The following TPD52 variants were observed in gnomAD, a reference collection of about 807,000 sequenced individuals.
TPD52 encodes the protein prostate and colon associated protein.
A neutral mutation model predicts 31.3 loss-of-function variants in TPD52; 17 were observed. That is an observed-to-expected ratio of 0.54 (90% CI 0.37 to 0.82). The LOEUF is 0.82. TPD52 is among the 40% of genes least tolerant of loss of function. The pLI is 0.00. For missense variants in TPD52, 212 were observed against 240.1 expected (o/e 0.88, Z 0.77); for synonymous variants, 83 against 89.6 (o/e 0.93, Z 0.42).
rs561870064 is a variant in TPD52 at position 80,072,689 on chromosome 8, G to GTA, written c.20-8098_20-8097dup. Among the ~76,000 whole-genome samples, 2 of 150,036 alleles carry GTA rather than the reference G, an allele frequency of 1.3e-5. 1 individual carries two copies. The highest frequency in any genetic ancestry group is 4.9e-5 in the African/African-American group (2 of 40,614). On this transcript the variant is annotated intron_variant, in intron 1 of 7. Coordinates refer to ENST00000518937, the MANE Select transcript of TPD52 (RefSeq NM_001025253.3). ...TATACATGTACACATAGATATGTGTGTATATACACACATATATACATCTAT... is the reference window on the plus strand; with the variant it reads ...TATACATGTACACATAGATATGTGTGTATATATACACACATATATACATCTAT...
chr8:80,123,290 TA>T (rs1437201779), intron 1 of TPD52, among the ~76,000 whole-genome samples: 1 of 152,088 alleles, frequency 6.6e-6, no homozygotes, highest in African/African-American at 2.4e-5. Context: ...GAGGGGAATG[TA>T]AATGCTGAGA....
At position 80,077,155 on chromosome 8, in the gene TPD52, G is replaced by A. The variant is rs1169750600; in HGVS notation, c.20-12562C>T. On this transcript the variant is annotated intron_variant, in intron 1 of 7. Transcript: ENST00000518937. Reference sequence around the variant, plus strand: ...CACGATGTGGTGACGCGCACCTATAGTCCCAGGTATTTGGGAGGCTGAGGC... The same window carrying A: ...CACGATGTGGTGACGCGCACCTATAATCCCAGGTATTTGGGAGGCTGAGGC... 2.6e-5 allele frequency among the ~76,000 whole-genome samples: 4 copies of A among 151,816 alleles called. No individual in the cohort carries two copies. The South Asian group carries it at 8.3e-4, about 32-fold the overall frequency.
chr8:80,171,403 C>T (rs1471022990), intron 1 of TPD52, 22 bp downstream of exon 1: 2 of 1,596,364 alleles, frequency 1.3e-6, no homozygotes, highest in Admixed American at 1.7e-5. Context: ...CGAGCCCAAG[C>T]CCGCTGGGTC....
At chr8:80,096,183 G>A (rs1816719882) in intron 1 of TPD52, among the ~76,000 whole-genome samples, 2 of 151,628 alleles carry the variant, frequency 1.3e-5, no homozygotes, top group African/African-American at 4.8e-5. Flanking sequence ...TTAAGCCCAG[G>A]TGGTCAAGGC....
At chr8:80,127,201 G>C (rs1339288237) in intron 1 of TPD52, among the ~76,000 whole-genome samples, 1 of 152,004 alleles carries the variant, frequency 6.6e-6, no homozygotes. Context: ...ACAATCAATT[G>C]ACTCATCAGC....
At chr8:80,126,031 T>C (rs1808575667) in intron 1 of TPD52, among the ~76,000 whole-genome samples, 1 of 152,214 alleles carries the variant, frequency 6.6e-6, no homozygotes, top group South Asian at 2.1e-4. Flanking sequence ...ATTAATATGG[T>C]GACACAATCA....
At chr8:80,108,439 T>G (rs962013301) in intron 1 of TPD52, among the ~76,000 whole-genome samples, 1 of 152,228 alleles carries the variant, frequency 6.6e-6, no homozygotes, top group Non-Finnish European at 1.5e-5. Context: ...AGTTGCATTA[T>G]TATAATGAAA....
At chr8:80,067,735 GAC>G (rs1164444820) in intron 1 of TPD52, among the ~76,000 whole-genome samples, 1 of 151,800 alleles carries the variant, frequency 6.6e-6, no homozygotes, top group East Asian at 1.9e-4. Flanking sequence ...CTGATGGTCA[GAC>G]CTGAAAGGTA....
intron 1 of TPD52, among the ~76,000 whole-genome samples, chr8:80,156,057 TG>T (rs1193808820): frequency 6.6e-6 from 1 of 152,152 alleles, no homozygotes; most frequent in Non-Finnish European, 1.5e-5. Context: ...GCATTTATTA[TG>T]GTCACACTAC....
At chr8:80,124,793 T>C (rs1224215978) in intron 1 of TPD52, among the ~76,000 whole-genome samples, 1 of 152,156 alleles carries the variant, frequency 6.6e-6, no homozygotes, top group Non-Finnish European at 1.5e-5. Flanking sequence ...CCCAGGACCA[T>C]TTGACCATTA....
intron 1 of TPD52, among the ~76,000 whole-genome samples, chr8:80,107,816 T>C (rs1807239011): frequency 6.6e-6 from 1 of 152,130 alleles, no homozygotes. Flanking sequence ...GTTTTTAAAT[T>C]GTCGGTAAAA....
At chr8:80,034,424 C>G (rs899796833), downstream of TPD52, among the ~76,000 whole-genome samples, 3 of 152,176 alleles carry the variant, frequency 2.0e-5, no homozygotes, top group African/African-American at 7.2e-5. Flanking sequence ...TGCAACCCCC[C>G]AGCCATGCTT....
chr8:80,076,862 G>C (rs866744936), intron 1 of TPD52, among the ~76,000 whole-genome samples: 4 of 152,104 alleles, frequency 2.6e-5, no homozygotes, highest in South Asian at 2.1e-4. Flanking sequence ...GGTAGAGATG[G>C]GGTTTCACCA....
chr8:80,115,696 T>C (rs978150987), intron 1 of TPD52, among the ~76,000 whole-genome samples: 3 of 152,220 alleles, frequency 2.0e-5, no homozygotes, highest in Admixed American at 6.5e-5. Flanking sequence ...TTATTCTCTA[T>C]GAATTCAATA....
At chr8:80,135,680 C>T (rs1215378356) in intron 1 of TPD52, among the ~76,000 whole-genome samples, 3 of 150,016 alleles carry the variant, frequency 2.0e-5, no homozygotes, top group South Asian at 2.2e-4. Context: ...GACACATGCA[C>T]ACGTATGTTT....
intron 1 of TPD52, among the ~76,000 whole-genome samples, chr8:80,113,275 A>AG (rs1341592190): frequency 1.5e-5 from 2 of 133,182 alleles, no homozygotes; most frequent in East Asian, 3.6e-4. Flanking sequence ...AAAGAAAAAA[A>AG]AAAAAAACAA....
intron 1 of TPD52, among the ~76,000 whole-genome samples, chr8:80,083,589 C>T (rs1344699375): frequency 4.0e-5 from 6 of 151,894 alleles, no homozygotes; most frequent in Non-Finnish European, 7.4e-5. Flanking sequence ...TTCTCTCTCC[C>T]GCCACCCTGT....
intron 1 of TPD52, among the ~76,000 whole-genome samples, chr8:80,094,583 C>G (rs535045661): frequency 4.7e-5 from 7 of 149,194 alleles, no homozygotes; most frequent in African/African-American, 1.7e-4. Flanking sequence ...AATATAGCTT[C>G]AGATGTATTT....
chr8:80,053,385 CTT>C lies in TPD52; in HGVS notation c.179_180del (p.Lys60ArgfsTer41). 1 of 1,613,734 alleles carries C rather than the reference CTT, an allele frequency of 6.2e-7. No homozygotes were observed. The highest frequency in any genetic ancestry group is 8.5e-7 in the Non-Finnish European group (1 of 1,179,742). ...IQTLSQVLAA[K>X]EKHLAEIKRK... ...CGCTTGATCTCTGCTAGATGCTTCT[CTT>C]TTGCTGCTAACACTTGAGACAGAGT... On this transcript the variant is annotated frameshift_variant, in exon 3 of 8. Coordinates refer to ENST00000518937, the MANE Select transcript of TPD52 (RefSeq NM_001025253.3). LOFTEE classifies it high-confidence loss of function.
Sources: gnomAD v4.1 joint callset for allele counts (sites outside exome capture counted in the v4.1 genomes callset) on GRCh38, gnomAD v4.1.1 for gene constraint, MANE v1.5 for transcripts, NCBI Gene and HGNC (gene_info 2026-07-23, HGNC 2026-07-21) for gene names.